EPS15L1: variants seen among roughly 807,000 people sequenced by gnomAD.
EPS15L1 encodes epidermal growth factor receptor pathway substrate 15 like 1.
In EPS15L1, 43 loss-of-function variants were observed where a neutral mutation model predicts 117.1. The ratio of observed to expected loss-of-function variants is 0.37; its 90% confidence interval spans 0.29 to 0.47. The LOEUF is 0.47. Among genes scored for constraint, EPS15L1 ranks in the 20% least tolerant of loss-of-function variants. EPS15L1 has a pLI of 0.99. For missense variants in EPS15L1, 981 were observed against 1,164.0 expected, an observed-to-expected ratio of 0.84 and a Z score of 2.29; for synonymous variants, 459 against 470.5, an observed-to-expected ratio of 0.98 and a Z score of 0.32.
intron 12 of EPS15L1, among the ~76,000 whole-genome samples, chr19:16,416,950 A>G (rs536608791): frequency 3.3e-4 from 50 of 152,336 alleles, no homozygotes; most frequent in African/African-American, 1.1e-3. Flanking sequence ...GCACTAGGCA[A>G]GAAGGGGAGC....
At chr19:16,457,835 AG>A (rs2093211721) in intron 1 of EPS15L1, among the ~76,000 whole-genome samples, 1 of 151,614 alleles carries the variant, frequency 6.6e-6, no homozygotes, top group African/African-American at 2.4e-5. Context: ...GTCTCCCTGG[AG>A]AGACATGGGA....
At chr19:16,366,183 GGGTGGA>G (rs2144651323) in intron 22 of EPS15L1, among the ~76,000 whole-genome samples, 1 of 152,156 alleles carries the variant, frequency 6.6e-6, no homozygotes, top group East Asian at 1.9e-4. Context: ...AGCAAGTCCA[GGGTGGA>G]CACTGCTTGA....
chr19:16,355,645 C>G lies in EPS15L1; in HGVS notation c.*60G>C. The G allele has an allele frequency of 6.6e-7, 1 of 1,510,434 alleles. No homozygotes were observed. The allele number at this position is 1,510,434 out of a possible 1,614,324, so 93.6% of individuals were successfully genotyped here. ...GGTGTGTGTGTGTATATATAGACATCTGCACTGCCCCCTCTCTGGAACCCG... is the reference window on the plus strand; with the variant it reads ...GGTGTGTGTGTGTATATATAGACATGTGCACTGCCCCCTCTCTGGAACCCG... On this transcript the variant is annotated 3_prime_UTR_variant, in exon 24 of 24. Coordinates refer to ENST00000455140, the MANE Select transcript of EPS15L1 (RefSeq NM_001258374.3).
At chr19:16,447,150 C>T (rs2093091651) in intron 1 of EPS15L1, among the ~76,000 whole-genome samples, 3 of 152,156 alleles carry the variant, frequency 2.0e-5, no homozygotes, top group African/African-American at 7.2e-5. Flanking sequence ...GATAACCTGG[C>T]TCAGTCATGT....
chr19:16,385,309 C>G, intron 20 of EPS15L1, 98 bp from the exon 21 acceptor site: 1 of 970,358 alleles, frequency 1.0e-6, no homozygotes, highest in Non-Finnish European at 1.6e-6. Context: ...AACCAGGAGA[C>G]TCAGGAAGGC....
At chr19:16,429,314 A>G (rs993689276) in intron 7 of EPS15L1, among the ~76,000 whole-genome samples, 6 of 152,202 alleles carry the variant, frequency 3.9e-5, no homozygotes, top group Non-Finnish European at 7.4e-5. Flanking sequence ...AGACACGTGC[A>G]GATCTCAAGC....
intron 22 of EPS15L1, among the ~76,000 whole-genome samples, chr19:16,376,612 G>A (rs1016411444): frequency 1.3e-5 from 2 of 152,162 alleles, no homozygotes; most frequent in South Asian, 2.1e-4. Flanking sequence ...ACAATCTCCC[G>A]CTCCCTCCAC....
chr19:16,424,546 C>T (rs898511020), intron 9 of EPS15L1, among the ~76,000 whole-genome samples: 11 of 151,948 alleles, frequency 7.2e-5, no homozygotes. Flanking sequence ...CACGGTGGCT[C>T]ACACCTGTAA....
chr19:16,395,203 A>C (rs912069157), intron 17 of EPS15L1, 141 bp downstream of exon 17: 1 of 226,300 alleles, frequency 4.4e-6, no homozygotes, highest in Non-Finnish European at 7.1e-6. Context: ...TTCGTCTCCA[A>C]AAAAAAAAAA....
intron 6 of EPS15L1, chr19:16,434,752 G>A (rs148154346): frequency 1.7e-5 from 6 of 348,934 alleles, no homozygotes; most frequent in South Asian, 1.6e-4. Flanking sequence ...CTTGTCCTTC[G>A]TCCTAGCTGC....
At chr19:16,392,488 AC>A in intron 18 of EPS15L1, 48 bp from the exon 19 acceptor site, 2 of 1,547,768 alleles carry the variant, frequency 1.3e-6, no homozygotes, top group African/African-American at 1.4e-5. Context: ...AAGTGAAAGA[AC>A]CCAGACATAA....
intron 16 of EPS15L1, chr19:16,401,732 T>A: frequency 1.0e-6 from 1 of 985,420 alleles, no homozygotes; most frequent in Non-Finnish European, 1.2e-6. Flanking sequence ...CCAGGCCTGA[T>A]CACAACTCCA....
chr19:16,434,233 GA>G, intron 7 of EPS15L1, 131 bp downstream of exon 7: 1 of 1,258,420 alleles, frequency 7.9e-7, no homozygotes, highest in Non-Finnish European at 1.1e-6. Flanking sequence ...CAGGAGCGCT[GA>G]TGAAAGCCCC....
At chr19:16,413,028 G>A (rs1304643775) in intron 13 of EPS15L1, 5 of 738,258 alleles carry the variant, frequency 6.8e-6, no homozygotes, top group South Asian at 4.3e-5. Flanking sequence ...GATTATGCCA[G>A]TGCAGAAACA....
intron 10 of EPS15L1, among the ~76,000 whole-genome samples, chr19:16,420,503 CT>C (rs1378757151): frequency 6.6e-6 from 1 of 152,206 alleles, no homozygotes; most frequent in Non-Finnish European, 1.5e-5. Flanking sequence ...GGTGATGACT[CT>C]GCGACAGCTA....
chr19:16,458,122 C>T (rs2145163252), intron 1 of EPS15L1, among the ~76,000 whole-genome samples: 1 of 152,280 alleles, frequency 6.6e-6, no homozygotes, highest in Admixed American at 6.5e-5. Flanking sequence ...CGGGGTGTTC[C>T]TGACAGTGGG....
At chr19:16,436,508 G>C (rs2092979858) in intron 6 of EPS15L1, 2 of 157,998 alleles carry the variant, frequency 1.3e-5, no homozygotes, top group Non-Finnish European at 2.8e-5. Flanking sequence ...ATGGTAACAT[G>C]CAAAGTGGCT....
intron 22 of EPS15L1, among the ~76,000 whole-genome samples, chr19:16,366,279 G>A (rs942053369): frequency 1.3e-5 from 2 of 152,120 alleles, no homozygotes; most frequent in Non-Finnish European, 2.9e-5. Context: ...AAGGGAGGAC[G>A]CCCCAGCCAG....
intron 1 of EPS15L1, among the ~76,000 whole-genome samples, chr19:16,455,463 C>A (rs2145150200): frequency 6.6e-6 from 1 of 152,352 alleles, no homozygotes; most frequent in East Asian, 1.9e-4. Context: ...ACATTGCCTG[C>A]AGCAGGCTTC....
Sources: gnomAD v4.1 joint callset for allele counts (sites outside exome capture counted in the v4.1 genomes callset) on GRCh38, gnomAD v4.1.1 for gene constraint, MANE v1.5 for transcripts, NCBI Gene and HGNC (gene_info 2026-07-23, HGNC 2026-07-21) for gene names.